Variants in ITGB8 observed in about 807,000 individuals in gnomAD.
The protein encoded by ITGB8 is integrin subunit beta 8, also known as integrin beta-8.
In ITGB8, 30 loss-of-function variants were observed where a neutral mutation model predicts 89.5. The observed-to-expected ratio is 0.34, with a 90% CI of 0.25 to 0.45. The LOEUF (loss-of-function observed/expected upper bound fraction) is 0.45. ITGB8 is among the 20% of genes least tolerant of loss of function. The pLI, the probability that ITGB8 is intolerant of heterozygous loss-of-function variation, is 1.00. For missense variants in ITGB8, 836 were observed against 933.3 expected, an observed-to-expected ratio of 0.90 and a Z score of 1.36; for synonymous variants, 335 against 320.4, an observed-to-expected ratio of 1.05 and a Z score of -0.49.
At chr7:20,399,928 T>C (rs558917418) in intron 9 of ITGB8, among the ~76,000 whole-genome samples, 2 of 152,334 alleles carry the variant, frequency 1.3e-5, no homozygotes, top group East Asian at 3.8e-4. Flanking sequence ...AGTTAGAATA[T>C]GTTTTTCTAT....
At chr7:20,356,271 A>G (rs1384720906) in intron 1 of ITGB8, among the ~76,000 whole-genome samples, 1 of 152,230 alleles carries the variant, frequency 6.6e-6, no homozygotes, top group Non-Finnish European at 1.5e-5. Flanking sequence ...GGTCATGGCA[A>G]GTGATTAGAA....
Position 20,339,857 on chromosome 7 carries a change from G to A in ITGB8, c.127+7924G>A, listed in dbSNP as rs1341829984. 2.0e-5 allele frequency among the ~76,000 whole-genome samples: 3 copies of A among 152,146 alleles called. No individual in the cohort carries two copies. The East Asian group carries it at 5.8e-4, about 29-fold the overall frequency. ...AGCCTGGCCAATATGGTGAAACCCT[G>A]TCTCTACTAAAAATACAAAAATTAG... On this transcript the variant is annotated intron_variant, in intron 1 of 13. Coordinates refer to ENST00000222573, the MANE Select transcript of ITGB8 (RefSeq NM_002214.3).
chr7:20,371,783 A>G, intron 3 of ITGB8, among the ~76,000 whole-genome samples: 1 of 152,322 alleles, frequency 6.6e-6, no homozygotes, highest in East Asian at 1.9e-4. Context: ...TTTATTTAGC[A>G]TGCATTCCTG....
chr7:20,347,823 T>C (rs1784980090), intron 1 of ITGB8, among the ~76,000 whole-genome samples: 1 of 152,254 alleles, frequency 6.6e-6, no homozygotes, highest in African/African-American at 2.4e-5. Flanking sequence ...TTCATAGTCA[T>C]CAAGCTGTAG....
intron 3 of ITGB8, among the ~76,000 whole-genome samples, chr7:20,371,391 T>C (rs934378817): frequency 6.6e-6 from 1 of 152,180 alleles, no homozygotes; most frequent in Non-Finnish European, 1.5e-5. Context: ...TTTTAAATTT[T>C]ACTCTGGCAG....
Position 20,413,584 on chromosome 7 carries a change from T to C in ITGB8, c.*3587T>C, listed in dbSNP as rs1412242510. 2 of 152,380 alleles carry C rather than the reference T, an allele frequency of 1.3e-5. No homozygotes were observed. Among genetic ancestry groups the C allele is most frequent in the African/African-American group, 2.4e-5 (1 of 41,584 alleles). The allele number at this position is 152,380 out of a possible 1,614,324, so 9.4% of individuals were successfully genotyped here. On this transcript the variant is annotated 3_prime_UTR_variant, in exon 14 of 14. Coordinates refer to ENST00000222573, the MANE Select transcript of ITGB8 (RefSeq NM_002214.3). ...AAGAGATTTCCTAAAGCTTCAAGCT[T>C]AATAAGCCTAATAGTGAAAAATAAC...
chr7:20,376,348 T>C (rs1786144127), intron 3 of ITGB8, among the ~76,000 whole-genome samples: 1 of 152,190 alleles, frequency 6.6e-6, no homozygotes, highest in South Asian at 2.1e-4. Context: ...AAGCCCATGT[T>C]TTGTACCCTA....
chr7:20,364,220 T>C (rs934175773), intron 2 of ITGB8, among the ~76,000 whole-genome samples: 1 of 152,160 alleles, frequency 6.6e-6, no homozygotes, highest in Admixed American at 6.5e-5. Context: ...TAATCTGGAG[T>C]TAGAACTGCC....
chr7:20,340,815 G>C (rs907988079), intron 1 of ITGB8, among the ~76,000 whole-genome samples: 45 of 152,252 alleles, frequency 3.0e-4, no homozygotes, highest in African/African-American at 1.1e-3. Flanking sequence ...CCACTATGCT[G>C]TAAAGGATCA....
chr7:20,389,337 T>C (rs1316027959), intron 6 of ITGB8, among the ~76,000 whole-genome samples: 3 of 152,360 alleles, frequency 2.0e-5, no homozygotes, highest in East Asian at 1.9e-4. Context: ...CCTGAGATGG[T>C]ATCTCATTGT....
At chr7:20,368,746 C>G (rs1193869202) in intron 3 of ITGB8, among the ~76,000 whole-genome samples, 1 of 152,068 alleles carries the variant, frequency 6.6e-6, no homozygotes, top group East Asian at 1.9e-4. Flanking sequence ...TTCGTGCACA[C>G]TGAATATAAG....
rs538183972 is a variant in ITGB8, at chr7:20,363,575, C to T, written c.128-62C>T. The T allele has an allele frequency of 4.3e-5, 42 of 986,486 alleles. 2 individuals are homozygous for T. The South Asian group carries it at 7.3e-4, about 17-fold the overall frequency. 61.1% of individuals were successfully genotyped at this position (986,486 alleles called of 1,614,324 possible). On this transcript the variant is annotated intron_variant, in intron 1 of 13. Transcript: ENST00000222573. ...AATTGTTCATTTGTTTCATTTTAGT[C>T]TAGAATTATATACGCTTTCTATTTT...
chr7:20,392,526 T>G (rs1160259414), intron 7 of ITGB8, among the ~76,000 whole-genome samples: 1 of 152,190 alleles, frequency 6.6e-6, no homozygotes, highest in Non-Finnish European at 1.5e-5. Flanking sequence ...GAAGCTTTAT[T>G]TATTTATTTA....
chr7:20,377,274 A>G (rs952872624), intron 3 of ITGB8: 1 of 152,242 alleles, frequency 6.6e-6, no homozygotes, highest in African/African-American at 2.4e-5. Context: ...ACGATTCACC[A>G]AGATAAAAAT....
intron 1 of ITGB8, 49 bp from the exon 2 acceptor site, chr7:20,363,588 C>G: frequency 8.9e-7 from 1 of 1,118,480 alleles, no homozygotes; most frequent in Non-Finnish European, 1.3e-6. Flanking sequence ...GAATTATATA[C>G]GCTTTCTATT....
chr7:20,350,575 T>C (rs1386495740), intron 1 of ITGB8, among the ~76,000 whole-genome samples: 4 of 152,214 alleles, frequency 2.6e-5, no homozygotes, highest in African/African-American at 9.6e-5. Context: ...TAAGTTGCAC[T>C]CTACTTTTCA....
At chr7:20,395,069 T>C in intron 8 of ITGB8, 84 bp downstream of exon 8, 2 of 753,278 alleles carry the variant, frequency 2.7e-6, no homozygotes, top group East Asian at 2.7e-5. Context: ...CCATGTCATC[T>C]CGAGAGGAGG....
intron 8 of ITGB8, among the ~76,000 whole-genome samples, chr7:20,395,839 G>C (rs923637518): frequency 6.6e-6 from 1 of 152,164 alleles, no homozygotes; most frequent in Non-Finnish European, 1.5e-5. Context: ...AAGAAAGTGG[G>C]ATCAGAATCC....
At chr7:20,391,729 T>C (rs997081989) in intron 7 of ITGB8, among the ~76,000 whole-genome samples, 3 of 152,178 alleles carry the variant, frequency 2.0e-5, no homozygotes, top group African/African-American at 4.8e-5. Context: ...AGAATTGTAT[T>C]GGATACACTT....
Sources: gnomAD v4.1 joint callset for allele counts (sites outside exome capture counted in the v4.1 genomes callset) on GRCh38, gnomAD v4.1.1 for gene constraint, MANE v1.5 for transcripts, NCBI Gene and HGNC (gene_info 2026-07-23, HGNC 2026-07-21) for gene names.